PPP2CA: variants seen among roughly 807,000 people sequenced by gnomAD.
PPP2CA encodes the protein serine/threonine-protein phosphatase 2A catalytic subunit alpha isoform.
A neutral mutation model predicts 38.8 loss-of-function variants in PPP2CA; 5 were observed. The observed-to-expected ratio is 0.13, with a 90% CI of 0.07 to 0.27. The LOEUF (loss-of-function observed/expected upper bound fraction) is 0.27. Among genes scored for constraint, PPP2CA ranks in the 10% least tolerant of loss-of-function variants. The pLI, the probability that PPP2CA is intolerant of heterozygous loss-of-function variation, is 1.00. For synonymous variants in PPP2CA, 152 were observed against 134.0 expected, an observed-to-expected ratio of 1.13 and a Z score of -0.93; for missense variants, 88 against 389.7, an observed-to-expected ratio of 0.23 and a Z score of 6.52.
At chr5:134,208,299 C>A (rs114799829) in intron 1 of PPP2CA, among the ~76,000 whole-genome samples, 90 of 152,308 alleles carry the variant, frequency 5.9e-4, no homozygotes, top group African/African-American at 1.9e-3. Flanking sequence ...TTCCTTACTA[C>A]AACTGACTCA....
intron 1 of PPP2CA, among the ~76,000 whole-genome samples, chr5:134,211,640 ATT>A (rs57235538): frequency 3.5e-3 from 497 of 141,092 alleles, no homozygotes; most frequent in Middle Eastern, 0.018. Flanking sequence ...CTCCCAGCTA[ATT>A]TTTTTTTTTT....
chr5:134,211,099 CTT>C (rs112931319), intron 1 of PPP2CA, among the ~76,000 whole-genome samples: 1 of 145,698 alleles, frequency 6.9e-6, no homozygotes, highest in Non-Finnish European at 1.5e-5. Context: ...TTTTTAAAAT[CTT>C]TTTTTTTTTT....
At chr5:134,218,027 T>C (rs1287937161) in intron 1 of PPP2CA, among the ~76,000 whole-genome samples, 4 of 152,104 alleles carry the variant, frequency 2.6e-5, no homozygotes, top group African/African-American at 9.7e-5. Context: ...CACCAGGTGA[T>C]AGGAATTTTT....
intron 1 of PPP2CA, among the ~76,000 whole-genome samples, chr5:134,224,915 G>T (rs754016298): frequency 6.6e-6 from 1 of 152,140 alleles, no homozygotes; most frequent in Non-Finnish European, 1.5e-5. Flanking sequence ...AGTAATTTTT[G>T]CAACAAAGAT....
chr5:134,205,833 T>A, intron 2 of PPP2CA, 89 bp downstream of exon 2: 1 of 1,157,210 alleles, frequency 8.6e-7, no homozygotes. Flanking sequence ...GTTTTAACAT[T>A]CAGATAGAGA....
In PPP2CA at chr5:134,216,673, T is replaced by C. The variant is rs997415484; in HGVS notation, c.102+9087A>G. ...ATTTATACTTAACTAAAGAAACCTG[T>C]TTTTTGTTTTGTAGAAACGGTGGTC... is the stretch of plus-strand genomic sequence containing the variant. On this transcript the variant is annotated intron_variant, in intron 1 of 6. Coordinates refer to ENST00000481195, the MANE Select transcript of PPP2CA (RefSeq NM_002715.4). Among the ~76,000 whole-genome samples the C allele has an allele frequency of 9.2e-5, 14 of 152,006 alleles. No homozygotes were observed. In the South Asian group the frequency reaches 1.7e-3, roughly 18 times the overall value.
intron 2 of PPP2CA, among the ~76,000 whole-genome samples, chr5:134,204,928 TTCC>T (rs1393536389): frequency 9.6e-5 from 13 of 135,922 alleles, no homozygotes; most frequent in Non-Finnish European, 1.4e-4. Flanking sequence ...CTTGAACTTC[TTCC>T]TCGATATTTT....
chr5:134,195,239 C>G lies in PPP2CA; in HGVS notation c.*2533G>C, dbSNP rs1240458253. 2 of 152,174 alleles carry G rather than the reference C, an allele frequency of 1.3e-5. No individual in the cohort carries two copies. Among genetic ancestry groups the G allele is most frequent in the Non-Finnish European group, 2.9e-5 (2 of 68,048 alleles). 9.4% of individuals were successfully genotyped at this position (152,174 alleles called of 1,614,324 possible). A position where few individuals can be genotyped will look rare whatever the true frequency, so the allele number is the denominator to read the frequency against. The stretch of plus-strand genomic sequence containing the variant: ...GTTTCAAAATTTCTGCAAGCCCTCA[C>G]TATACAAACTCAGAATCCTCTTTAT... On this transcript the variant is annotated 3_prime_UTR_variant, in exon 7 of 7. Coordinates refer to ENST00000481195, the MANE Select transcript of PPP2CA (RefSeq NM_002715.4).
intron 1 of PPP2CA, among the ~76,000 whole-genome samples, chr5:134,218,822 CCAT>C (rs1230459430): frequency 6.6e-6 from 1 of 152,162 alleles, no homozygotes; most frequent in East Asian, 1.9e-4. Flanking sequence ...GCGCCCACCA[CCAT>C]GCCTGGCTAA....
rs1333728561 is a variant in PPP2CA, at chr5:134,225,740, G to A, written c.102+20C>T. 9 of 1,591,934 alleles carry A rather than the reference G, an allele frequency of 5.7e-6. No homozygotes were observed. Among genetic ancestry groups the A allele is most frequent in the South Asian group, 4.5e-5 (4 of 89,852 alleles). On this transcript the variant is annotated intron_variant, in intron 1 of 6. Transcript: ENST00000481195. ...GGGCTCGGCCCCGCGGCGGCTGTCC[G>A]CAGCCGTACTACAGCTCACCTTCTC...
intron 1 of PPP2CA, among the ~76,000 whole-genome samples, chr5:134,213,602 G>A (rs939626739): frequency 2.6e-5 from 4 of 151,928 alleles, no homozygotes; most frequent in Non-Finnish European, 2.9e-5. Context: ...CCTGGGCAAT[G>A]TGGCGAGACC....
chr5:134,225,581 G>A (rs55988127), intron 1 of PPP2CA, 179 bp downstream of exon 1: 2 of 514,408 alleles, frequency 3.9e-6, no homozygotes, highest in Non-Finnish European at 6.8e-6. Flanking sequence ...CAATCCCTGC[G>A]CGGGAGGCAG....
Position 134,196,551 on chromosome 5 carries a change from C to T in PPP2CA, c.*1221G>A, listed in dbSNP as rs930995853. ...TCAAAGAACTTGACACAGGCTAATG[C>T]TTTAACACTTTCTTATCTGAGACAA... On this transcript the variant is annotated 3_prime_UTR_variant, in exon 7 of 7. Transcript: ENST00000481195. 2 of 152,170 alleles carry T rather than the reference C, an allele frequency of 1.3e-5. No homozygotes were observed. The highest frequency in any genetic ancestry group is 4.8e-5 in the African/African-American group (2 of 41,442). The allele number at this position is 152,170 out of a possible 1,614,324, so 9.4% of individuals were successfully genotyped here. A position where few individuals can be genotyped will look rare whatever the true frequency, so the allele number is the denominator to read the frequency against.
chr5:134,212,560 A>G (rs1762224686), intron 1 of PPP2CA, among the ~76,000 whole-genome samples: 1 of 152,128 alleles, frequency 6.6e-6, no homozygotes, highest in Non-Finnish European at 1.5e-5. Context: ...ATAACCCTAC[A>G]ATGGCCTCCA....
In PPP2CA at chr5:134,196,061, T is replaced by G. The variant is rs1326036470; in HGVS notation, c.*1711A>C. 3 of 152,144 alleles carry G rather than the reference T, an allele frequency of 2.0e-5. No homozygotes were observed. The highest frequency in any genetic ancestry group is 4.4e-5 in the Non-Finnish European group (3 of 68,026). 9.4% of individuals were successfully genotyped at this position (152,144 alleles called of 1,614,324 possible). ...GAGCAACAAAAAGACACACAGAGAA[T>G]GTATTTCTTGTGAAAGAAAAGAATG... is the stretch of plus-strand genomic sequence containing the variant. On this transcript the variant is annotated 3_prime_UTR_variant, in exon 7 of 7. Transcript: ENST00000481195.
chr5:134,212,719 A>G (rs1325910143), intron 1 of PPP2CA, among the ~76,000 whole-genome samples: 2 of 152,244 alleles, frequency 1.3e-5, no homozygotes, highest in South Asian at 2.1e-4. Flanking sequence ...ATGCAAAGGA[A>G]AAGTTCTTTA....
At chr5:134,202,082 A>G in intron 2 of PPP2CA, 61 bp from the exon 3 acceptor site, 2 of 1,485,364 alleles carry the variant, frequency 1.3e-6, no homozygotes, top group Admixed American at 2.5e-5. Context: ...TGAAAATTCA[A>G]GAAACTTTCT....
chr5:134,222,186 G>A (rs888482804), intron 1 of PPP2CA, among the ~76,000 whole-genome samples: 6 of 151,890 alleles, frequency 4.0e-5, no homozygotes, highest in Admixed American at 2.6e-4. Context: ...GAGTCTTTGA[G>A]TTGCATCTGT....
intron 2 of PPP2CA, among the ~76,000 whole-genome samples, chr5:134,203,106 A>T (rs1201237209): frequency 2.0e-5 from 3 of 150,696 alleles, no homozygotes; most frequent in Non-Finnish European, 3.0e-5. Context: ...TTTTTTTTTT[A>T]AATATCTGAA....
Sources: gnomAD v4.1 joint callset for allele counts (sites outside exome capture counted in the v4.1 genomes callset) on GRCh38, gnomAD v4.1.1 for gene constraint, MANE v1.5 for transcripts, NCBI Gene and HGNC (gene_info 2026-07-23, HGNC 2026-07-21) for gene names.